PHC1: variants seen among roughly 807,000 people sequenced by gnomAD.
PHC1 encodes the protein polyhomeotic homolog 1, also known as polyhomeotic-like protein 1.
A neutral mutation model predicts 104.3 loss-of-function variants in PHC1; 12 were observed. The ratio of observed to expected loss-of-function variants is 0.12; its 90% CI spans 0.07 to 0.19. The LOEUF (loss-of-function observed/expected upper bound fraction) is 0.19, where lower values mean the gene tolerates loss of function less well. PHC1 is among the 10% of genes least tolerant of loss of function. The pLI is 1.00. For missense variants in PHC1, 671 were observed against 1,200.0 expected, an observed-to-expected ratio of 0.56 and a Z score of 6.51; for synonymous variants, 302 against 455.8, an observed-to-expected ratio of 0.66 and a Z score of 4.30.
chr12:8,917,378 A>G (rs973779258), intron 1 of PHC1, among the ~76,000 whole-genome samples: 12 of 152,342 alleles, frequency 7.9e-5, no homozygotes, highest in Middle Eastern at 3.4e-3. Flanking sequence ...GTTTTATTTA[A>G]TGACAGCCAT....
chr12:8,920,012 A>T, intron 3 of PHC1, 146 bp downstream of exon 3: 1 of 1,275,170 alleles, frequency 7.8e-7, no homozygotes, highest in African/African-American at 1.5e-5. Context: ...GGGAGGATGG[A>T]TGCATCTTAG....
chr12:8,916,646 T>G (rs12321220), intron 1 of PHC1, among the ~76,000 whole-genome samples: 1 of 152,060 alleles, frequency 6.6e-6, no homozygotes, highest in Non-Finnish European at 1.5e-5. Context: ...GTAAGTGTAG[T>G]CCCCAGTGGG....
At chr12:8,926,619 T>TA (rs746508813) in intron 6 of PHC1, among the ~76,000 whole-genome samples, 79 of 126,398 alleles carry the variant, frequency 6.3e-4, no homozygotes, top group East Asian at 2.4e-4. Context: ...GACTCCATCT[T>TA]AAAAAAAAAG....
Position 8,930,564 on chromosome 12 carries a change from C to T in PHC1, c.742C>T (p.Leu248=). The change falls in exon 7 of 15, where the codon CTA becomes TTA. Residue 248 remains leucine (L), a synonymous_variant. Coordinates refer to ENST00000544916, the MANE Select transcript of PHC1 (RefSeq NM_004426.3). The part of the protein sequence containing the change: ...SSLSQASSQA[L]AVAQASSGAT... ...CCTCTCCCAGGCCTCTAGCCAGGCC[C>T]TAGCGGTGGCACAGGCTTCCTCTGG... 1 of 1,569,854 alleles carries T rather than the reference C, an allele frequency of 6.4e-7. No individual in the cohort carries two copies. The highest frequency in any genetic ancestry group is 8.6e-7 in the Non-Finnish European group (1 of 1,156,784).
chr12:8,922,327 T>C (rs1166809385), intron 5 of PHC1, among the ~76,000 whole-genome samples: 1 of 152,180 alleles, frequency 6.6e-6, no homozygotes, highest in Non-Finnish European at 1.5e-5. Context: ...AGTATACAAA[T>C]TCTGTGTTAT....
rs1945956335 is a variant in PHC1, at chr12:8,939,825, A to G, written c.*366A>G. ...CAAGAGGAGGAATACATAGTATGGT[A>G]AGGCAAGGAACTGGGTGGAATGTCA... On this transcript the variant is annotated 3_prime_UTR_variant, in exon 15 of 15. Coordinates refer to ENST00000544916, the MANE Select transcript of PHC1 (RefSeq NM_004426.3). The G allele has an allele frequency of 2.2e-6, 1 of 464,580 alleles. No individual in the cohort carries two copies. The highest frequency in any genetic ancestry group is 1.5e-5 in the South Asian group (1 of 64,624). The allele number at this position is 464,580 out of a possible 1,614,324, so 28.8% of individuals were successfully genotyped here. A position where few individuals can be genotyped will look rare whatever the true frequency, so the allele number is the denominator to read the frequency against.
chr12:8,930,255 A>G (rs1241416884), intron 6 of PHC1, among the ~76,000 whole-genome samples, 180 bp from the exon 7 acceptor site: 1 of 152,244 alleles, frequency 6.6e-6, no homozygotes, highest in Non-Finnish European at 1.5e-5. Context: ...GAAGAATCAG[A>G]TACAGAGCCA....
intron 4 of PHC1, 95 bp from the exon 5 acceptor site, chr12:8,921,506 T>G: frequency 9.3e-7 from 1 of 1,072,260 alleles, no homozygotes; most frequent in Non-Finnish European, 1.4e-6. Context: ...TGAAATACTC[T>G]GTTCTTGACT....
intron 7 of PHC1, among the ~76,000 whole-genome samples, chr12:8,931,537 TA>T (rs1945684687): frequency 6.6e-6 from 1 of 152,308 alleles, no homozygotes; most frequent in African/African-American, 2.4e-5. Flanking sequence ...CCGTCTCTAC[TA>T]AAAATACAAA....
In PHC1 at chr12:8,922,654, C is replaced by G. The variant is rs1945398627; in HGVS notation, c.478C>G (p.Gln160Glu). 6.3e-7 allele frequency: 1 copy of G among 1,583,170 alleles called. No individual in the cohort carries two copies. Among genetic ancestry groups the G allele is most frequent in the Non-Finnish European group, 8.6e-7 (1 of 1,164,130 alleles). ...CCAGCCACAGCTGGGAAACCTATTG[C>G]AGGTAAACCGAACCCTGGGTCGGAA... ...YLRPQLGNLL[Q>E]VNRTLGRNVP... The change falls in exon 6 of 15, where the codon CAG (glutamine) becomes GAG (glutamate). Residue 160 changes from glutamine (Q) to glutamate (E), a missense_variant. Physicochemically the swap from Gln to Glu is conservative, Grantham distance 29 (BLOSUM62 2). Around this residue, in one of 9 missense-constraint regions of PHC1, gnomAD observed 237 missense variants for 331.1 expected, o/e 0.72. Transcript: ENST00000544916.
intron 2 of PHC1, among the ~76,000 whole-genome samples, chr12:8,918,484 T>TC (rs1945263216): frequency 6.6e-6 from 1 of 151,130 alleles, no homozygotes; most frequent in South Asian, 2.1e-4. Flanking sequence ...TACATTTTCT[T>TC]CTTTTTTTTT....
At position 8,930,744 on chromosome 12, in the gene PHC1, G is replaced by C; in HGVS notation, c.922G>C (p.Gly308Arg). 1 of 1,272,190 alleles carries C rather than the reference G, an allele frequency of 7.9e-7. No homozygotes were observed. Among genetic ancestry groups the C allele is most frequent in the Non-Finnish European group, 1.1e-6 (1 of 912,236 alleles). 78.8% of individuals were successfully genotyped at this position (1,272,190 alleles called of 1,614,324 possible). The change falls in exon 7 of 15, where the codon GGT becomes CGT. Residue 308 changes from glycine (G) to arginine (R), a missense_variant. This residue lies in a region of PHC1 where 78 missense variants were observed against 140.8 expected (regional missense o/e 0.55). Coordinates refer to ENST00000544916, the MANE Select transcript of PHC1 (RefSeq NM_004426.3). ...GMGGGSCPRKGTGVVQPLPAA... is the reference protein window; with the variant it reads ...GMGGGSCPRKRTGVVQPLPAA... ...GGGTGGTGGGAGCTGTCCCAGAAAG[G>C]GTACAGGAGTGGTGCAGCCCTTGCC...
At chr12:8,920,067 A>G (rs762453423) in intron 3 of PHC1, 2 of 767,760 alleles carry the variant, frequency 2.6e-6, no homozygotes, top group African/African-American at 1.7e-5. Flanking sequence ...TTTTAGGTAT[A>G]GAGTGGCTGT....
chr12:8,927,913 C>CT (rs752930257), intron 6 of PHC1, among the ~76,000 whole-genome samples: 4,129 of 35,662 alleles, frequency 0.12, 206 homozygotes, highest in Middle Eastern at 0.16. Flanking sequence ...TTCTTTCTTT[C>CT]TTTTTTTTTT....
chr12:8,923,507 T>C (rs4882970), intron 6 of PHC1, among the ~76,000 whole-genome samples: 139,038 of 152,216 alleles, frequency 0.91, 63,753 homozygotes, highest in South Asian at 0.97. Flanking sequence ...CTTCCACATC[T>C]GCAGATACAA....
rs953264726 is a variant in PHC1, at chr12:8,920,991, A to G, written c.232A>G (p.Ile78Val). The G allele has an allele frequency of 3.1e-6, 5 of 1,611,674 alleles. No homozygotes were observed. The highest frequency in any genetic ancestry group is 1.1e-5 in the South Asian group (1 of 90,730). ...TTCCCTTCCCCTTTAATAGGCCACA[A>G]TTGCTGCCAGTCGGCAGGCCAGCTC... Reference protein sequence around the residue: ...HSLAAVQQATIAASRQASSPN... With the variant: ...HSLAAVQQATVAASRQASSPN... Residue 78 changes from isoleucine to valine, a missense_variant, in exon 4 of 15, where the codon ATT becomes GTT. Coordinates refer to ENST00000544916, the MANE Select transcript of PHC1 (RefSeq NM_004426.3).
At chr12:8,938,098 C>T in intron 14 of PHC1, 38 bp downstream of exon 14, 1 of 1,430,606 alleles carries the variant, frequency 7.0e-7, no homozygotes, top group Non-Finnish European at 9.8e-7. Flanking sequence ...AGGTTGTTTT[C>T]CTTAACATCA....
chr12:8,930,601 A>C lies in PHC1; in HGVS notation c.779A>C (p.Gln260Pro). The C allele has an allele frequency of 3.2e-6, 5 of 1,547,894 alleles. No homozygotes were observed. Among genetic ancestry groups the C allele is most frequent in the Non-Finnish European group, 4.4e-6 (5 of 1,139,978 alleles). The change falls in exon 7 of 15, where the codon CAG becomes CCG. Residue 260 changes from glutamine (Q) to proline (P), a missense_variant. By Grantham distance (76) the Gln-to-Pro change is moderately conservative. Around this residue, in one of 9 missense-constraint regions of PHC1, gnomAD observed 237 missense variants for 331.1 expected, o/e 0.72. Coordinates refer to ENST00000544916, the MANE Select transcript of PHC1 (RefSeq NM_004426.3). ...CAGGCTTCCTCTGGGGCCACAAACCAGTCCCTCAACCTTAGTCAAGCTGGT... is the reference window on the plus strand; with the variant it reads ...CAGGCTTCCTCTGGGGCCACAAACCCGTCCCTCAACCTTAGTCAAGCTGGT... Reference protein sequence around the residue: ...VAQASSGATNQSLNLSQAGGG... With the variant: ...VAQASSGATNPSLNLSQAGGG...
chr12:8,937,158 A>G lies in PHC1; in HGVS notation c.2478-18A>G. On this transcript the variant is annotated intron_variant, in intron 12 of 14. Transcript: ENST00000544916. ...TTCTGTGGCACTATTGACATCCTAT[A>G]TATGCCCTGTCCTGTAGGTACAATG... 3 of 1,605,642 alleles carry G rather than the reference A, an allele frequency of 1.9e-6. No individual in the cohort carries two copies. Among genetic ancestry groups the G allele is most frequent in the Non-Finnish European group, 2.6e-6 (3 of 1,175,506 alleles).
Sources: gnomAD v4.1 joint callset for allele counts (sites outside exome capture counted in the v4.1 genomes callset) on GRCh38, gnomAD v4.1.1 for gene constraint, gnomAD v4.1.1 regional missense constraint, MANE v1.5 for transcripts, NCBI Gene and HGNC (gene_info 2026-07-23, HGNC 2026-07-21) for gene names.